Variants in SLC24A4 observed in about 807,000 individuals in gnomAD.
The protein encoded by SLC24A4 is solute carrier family 24 member 4, also known as sodium/potassium/calcium exchanger 4.
Under a neutral mutation model 79.0 loss-of-function variants are expected in SLC24A4, and 53 were observed. The observed-to-expected ratio is 0.67, with a 90% confidence interval of 0.54 to 0.84. The LOEUF is 0.84. Among genes scored for constraint, SLC24A4 ranks in the 40% least tolerant of loss-of-function variants. The probability of loss-of-function intolerance (pLI) is 0.00; values close to 1 mark genes in which losing one functional copy is unlikely to be tolerated. For synonymous variants in SLC24A4, 323 were observed against 323.8 expected (o/e 1.00, Z 0.03); for missense variants, 731 against 822.0 (o/e 0.89, Z 1.35).
chr14:92,377,964 G>A (rs1464743285), intron 2 of SLC24A4, among the ~76,000 whole-genome samples: 1 of 151,966 alleles, frequency 6.6e-6, no homozygotes, highest in Non-Finnish European at 1.5e-5. Flanking sequence ...ATGAAGGTCT[G>A]GGGGTGGGAG....
intron 13 of SLC24A4, chr14:92,484,088 C>T (rs764250516): frequency 5.1e-5 from 50 of 985,248 alleles, no homozygotes; most frequent in Admixed American, 1.8e-4. Context: ...TCTTACAAGG[C>T]CATTGGGAGA....
chr14:92,443,333 C>G (rs1486153660), intron 6 of SLC24A4, 67 bp from the exon 7 acceptor site: 8 of 1,480,808 alleles, frequency 5.4e-6, no homozygotes, highest in Non-Finnish European at 7.5e-6. Flanking sequence ...GGGGAGGAGG[C>G]CTGGGCAGCT....
At chr14:92,359,968 G>T (rs1228601638) in intron 2 of SLC24A4, among the ~76,000 whole-genome samples, 1 of 152,182 alleles carries the variant, frequency 6.6e-6, no homozygotes, top group Non-Finnish European at 1.5e-5. Context: ...CACCAGGCTG[G>T]AGTGCAGTGG....
intron 12 of SLC24A4, among the ~76,000 whole-genome samples, chr14:92,456,920 T>A (rs1318081647): frequency 6.6e-6 from 1 of 152,212 alleles, no homozygotes; most frequent in Non-Finnish European, 1.5e-5. Context: ...GCAGTCGATC[T>A]TTTGTGCCAA....
intron 2 of SLC24A4, among the ~76,000 whole-genome samples, chr14:92,359,253 C>T (rs1364399156): frequency 6.6e-6 from 1 of 152,156 alleles, no homozygotes; most frequent in Admixed American, 6.5e-5. Context: ...ACTCTTAACA[C>T]AGCCAGGATG....
rs138719183 is a variant in SLC24A4, at chr14:92,343,905, G to A, written c.241+17927G>A. ...TTTAGTGCAGGTGAGGTTTCACCATGTTGGCCAGGCTGGTCTTGAACTCCT... is the reference window on the plus strand; with the variant it reads ...TTTAGTGCAGGTGAGGTTTCACCATATTGGCCAGGCTGGTCTTGAACTCCT... On this transcript the variant is annotated intron_variant, in intron 2 of 16. Transcript: ENST00000532405. 5.6e-3 allele frequency among the ~76,000 whole-genome samples: 850 copies of A among 152,230 alleles called. 10 individuals carry two copies. Among genetic ancestry groups the A allele is most frequent in the African/African-American group, 0.02 (827 of 41,530 alleles).
rs1895963940 is a variant in SLC24A4, at chr14:92,497,352, T to A, written c.*3724T>A. The A allele has an allele frequency of 6.6e-6, 1 of 152,192 alleles. No homozygotes were observed. The allele number at this position is 152,192 out of a possible 1,614,324, so 9.4% of individuals were successfully genotyped here. A position where few individuals can be genotyped will look rare whatever the true frequency, so the allele number is the denominator to read the frequency against. Reference sequence around the variant, plus strand: ...GTTTATGGGGATTTGCAAGCCTAATTGCATCAGCAGGAGCCCATCTCTCAG... The same window carrying A: ...GTTTATGGGGATTTGCAAGCCTAATAGCATCAGCAGGAGCCCATCTCTCAG... On this transcript the variant is annotated 3_prime_UTR_variant, in exon 17 of 17. Coordinates refer to ENST00000532405, the MANE Select transcript of SLC24A4 (RefSeq NM_153646.4).
intron 13 of SLC24A4, among the ~76,000 whole-genome samples, chr14:92,486,249 A>G (rs1595361285): frequency 6.6e-6 from 1 of 152,196 alleles, no homozygotes; most frequent in African/African-American, 2.4e-5. Context: ...TGAGGACCAA[A>G]GAGAAGAAAT....
chr14:92,456,629 A>G, intron 12 of SLC24A4, 21 bp downstream of exon 12: 9 of 1,608,394 alleles, frequency 5.6e-6, no homozygotes, highest in Non-Finnish European at 7.6e-6. Context: ...GGGGTACTGG[A>G]CTCTCGGGCT....
Position 92,346,174 on chromosome 14 carries a change from T to C in SLC24A4, c.241+20196T>C, listed in dbSNP as rs534701616. Among the ~76,000 whole-genome samples, 63 of 152,296 alleles carry C rather than the reference T, an allele frequency of 4.1e-4. No homozygotes were observed. The South Asian group carries it at 1.0e-2, about 24-fold the overall frequency. On this transcript the variant is annotated intron_variant, in intron 2 of 16. Transcript: ENST00000532405. ...GTGTGACTGATACAGACTGAACTCA[T>C]TGAAACATTTCCTTTTCTTTTTAAG... is the stretch of plus-strand genomic sequence containing the variant.
At chr14:92,487,325 T>C (rs1895422405) in intron 14 of SLC24A4, among the ~76,000 whole-genome samples, 1 of 152,238 alleles carries the variant, frequency 6.6e-6, no homozygotes. Context: ...TTTTACTGAC[T>C]TCTTTTCTGC....
At chr14:92,335,004 A>G (rs1354040177) in intron 2 of SLC24A4, among the ~76,000 whole-genome samples, 1 of 152,154 alleles carries the variant, frequency 6.6e-6, no homozygotes, top group Non-Finnish European at 1.5e-5. Context: ...TTCTCGTAAC[A>G]ACTCTGAAGG....
chr14:92,445,223 T>C (rs574379290), intron 7 of SLC24A4, 94 bp from the exon 8 acceptor site: 1 of 1,368,038 alleles, frequency 7.3e-7, no homozygotes, highest in East Asian at 2.3e-5. Context: ...AAGGCCAGTA[T>C]AAATTGGCTC....
Position 92,482,718 on chromosome 14 carries a change from C to T in SLC24A4, c.1294C>T (p.Pro432Ser). 2.5e-6 allele frequency: 4 copies of T among 1,614,062 alleles called. No homozygotes were observed. Among genetic ancestry groups the T allele is most frequent in the Non-Finnish European group, 3.4e-6 (4 of 1,179,950 alleles). Reference sequence around the variant, plus strand: ...CAAGGTCAAGTGGGTGTTCACCTGGCCCCTCATCTTCCTCCTGTGCGTCAC... The same window carrying T: ...CAAGGTCAAGTGGGTGTTCACCTGGTCCCTCATCTTCCTCCTGTGCGTCAC... ...GDKVKWVFTWPLIFLLCVTIP... is the reference protein window; with the variant it reads ...GDKVKWVFTWSLIFLLCVTIP... The change falls in exon 13 of 17, where the codon CCC becomes TCC. Residue 432 changes from proline (P) to serine (S), a missense_variant. Pro to Ser is a moderately conservative substitution (Grantham distance 74). Transcript: ENST00000532405.
intron 2 of SLC24A4, among the ~76,000 whole-genome samples, chr14:92,349,211 G>A (rs1357924253): frequency 6.6e-6 from 1 of 151,418 alleles, no homozygotes; most frequent in African/African-American, 2.4e-5. Flanking sequence ...CAAGGCTGGA[G>A]TGCAGTGGCG....
chr14:92,383,985 A>G (rs374449854), intron 2 of SLC24A4, among the ~76,000 whole-genome samples: 438 of 152,352 alleles, frequency 2.9e-3, no homozygotes, highest in Non-Finnish European at 3.5e-3. Context: ...AGACAGAATT[A>G]GTCTGGAGCA....
Position 92,326,044 on chromosome 14 carries a change from A to C in SLC24A4, c.241+66A>C, listed in dbSNP as rs1029196506. The C allele has an allele frequency of 5.2e-6, 6 of 1,155,324 alleles. No homozygotes were observed. The Admixed American group carries it at 7.8e-5, about 15-fold the overall frequency. The allele number at this position is 1,155,324 out of a possible 1,614,324, so 71.6% of individuals were successfully genotyped here. The stretch of plus-strand genomic sequence containing the variant: ...TTGGCCTGGCCTGGAGATGGCGCTT[A>C]TGTGGGTGGTTACAGCCAGAGCTGA... On this transcript the variant is annotated intron_variant, in intron 2 of 16. Transcript: ENST00000532405.
intron 2 of SLC24A4, among the ~76,000 whole-genome samples, chr14:92,360,604 G>A (rs765927680): frequency 1.4e-4 from 21 of 152,270 alleles, no homozygotes; most frequent in African/African-American, 4.3e-4. Flanking sequence ...GTATACATGC[G>A]TCCATTTGTG....
chr14:92,475,773 T>C (rs570074500), intron 12 of SLC24A4, among the ~76,000 whole-genome samples: 29 of 152,282 alleles, frequency 1.9e-4, no homozygotes, highest in Middle Eastern at 6.8e-3. Context: ...CCTGGAAATA[T>C]AAAAAGGAAA....
Sources: gnomAD v4.1 joint callset for allele counts (sites outside exome capture counted in the v4.1 genomes callset) on GRCh38, gnomAD v4.1.1 for gene constraint, MANE v1.5 for transcripts, NCBI Gene and HGNC (gene_info 2026-07-23, HGNC 2026-07-21) for gene names.